NR2E1: variants seen among roughly 807,000 people sequenced by gnomAD.
NR2E1 encodes nuclear receptor subfamily 2 group E member 1.
In NR2E1, 5 loss-of-function variants were observed where a neutral mutation model predicts 43.6. That is an observed-to-expected ratio of 0.11 (90% CI 0.06 to 0.24). The LOEUF is 0.24. NR2E1 is among the 10% of genes least tolerant of loss of function. The pLI is 1.00. For missense variants in NR2E1, 287 were observed against 496.7 expected (o/e 0.58, Z 4.01); for synonymous variants, 191 against 195.5 (o/e 0.98, Z 0.19).
chr6:108,183,682 G>A (rs1231089251), intron 8 of NR2E1, among the ~76,000 whole-genome samples: 2 of 152,072 alleles, frequency 1.3e-5, no homozygotes, highest in Admixed American at 1.3e-4. Flanking sequence ...TATTTCTATC[G>A]TAAACCTCTT....
chr6:108,176,113 G>A (rs1308457321), intron 3 of NR2E1: 1 of 204,942 alleles, frequency 4.9e-6, no homozygotes, highest in Non-Finnish European at 9.9e-6. Flanking sequence ...TGGCGTGCGC[G>A]ACGCTCCCTC....
In NR2E1 at chr6:108,169,219, G is replaced by A. The variant is rs1773764156; in HGVS notation, c.26-2239G>A. 6.6e-6 allele frequency among the ~76,000 whole-genome samples: 1 copy of A among 152,114 alleles called. No individual in the cohort carries two copies. The highest frequency in any genetic ancestry group is 2.4e-5 in the African/African-American group (1 of 41,426). On this transcript the variant is annotated intron_variant, in intron 1 of 8. Coordinates refer to ENST00000368986, the MANE Select transcript of NR2E1 (RefSeq NM_003269.5). This position sits in a 1 kb window ranked among gnomAD's most constrained non-coding sequence, Gnocchi z 6.1. Reference sequence around the variant, plus strand: ...TCCCTCCTGGGCCCCGCCCCAGCCCGGTTGCCTGTTTCTAATCTGCCCCGG... The same window carrying A: ...TCCCTCCTGGGCCCCGCCCCAGCCCAGTTGCCTGTTTCTAATCTGCCCCGG...
At position 108,188,017 on chromosome 6, in the gene NR2E1, T is replaced by C. The variant is rs576318433; in HGVS notation, c.*554T>C. On this transcript the variant is annotated 3_prime_UTR_variant, in exon 9 of 9. Coordinates refer to ENST00000368986, the MANE Select transcript of NR2E1 (RefSeq NM_003269.5). ...CAGAACTGAGTTAATAAGTGAAAAGTAGCTTATGCCATGTGATTTGCTTTT... is the reference window on the plus strand; with the variant it reads ...CAGAACTGAGTTAATAAGTGAAAAGCAGCTTATGCCATGTGATTTGCTTTT... 1.1e-4 allele frequency: 17 copies of C among 155,114 alleles called. No homozygotes were observed. Among genetic ancestry groups the C allele is most frequent in the African/African-American group, 3.1e-4 (13 of 41,590 alleles). 9.6% of individuals were successfully genotyped at this position (155,114 alleles called of 1,614,324 possible).
chr6:108,179,492 C>CTCTGTGTG (rs1554258516), intron 5 of NR2E1, among the ~76,000 whole-genome samples: 1 of 131,348 alleles, frequency 7.6e-6, no homozygotes, highest in African/African-American at 2.9e-5. Flanking sequence ...TAACCACTTC[C>CTCTGTGTG]TGTGTGTGTG....
rs780236537 is a variant in NR2E1, at chr6:108,181,558, G to A, written c.902G>A (p.Ser301Asn). 2 of 1,613,658 alleles carry A rather than the reference G, an allele frequency of 1.2e-6. No individual in the cohort carries two copies. Among genetic ancestry groups the A allele is most frequent in the South Asian group, 1.1e-5 (1 of 91,080 alleles). ...IVTFKAVPTH[S>N]GSELRSFRNA... ...TCTTCATTTCTAGTTCCTACACATA[G>A]TGGTTCTGAACTGAGAAGTTTCCGG... The change falls in exon 8 of 9, where the codon AGT (serine) becomes AAT (asparagine). Residue 301 changes from serine (S) to asparagine (N), a missense_variant. Physicochemically the swap from Ser to Asn is conservative, Grantham distance 46. Coordinates refer to ENST00000368986, the MANE Select transcript of NR2E1 (RefSeq NM_003269.5).
Position 108,181,025 on chromosome 6 carries a change from G to A in NR2E1, c.889+69G>A, listed in dbSNP as rs541922263. 110 of 1,535,490 alleles carry A rather than the reference G, an allele frequency of 7.2e-5. No homozygotes were observed. The East Asian group carries it at 1.8e-3, about 26-fold the overall frequency. On this transcript the variant is annotated intron_variant, in intron 7 of 8. Transcript: ENST00000368986. ...GCCACCTCACTAATTCAGCCACCTC[G>A]AAGTCTGAACTGACCTTTGCAAAAA... is the stretch of plus-strand genomic sequence containing the variant.
At chr6:108,186,728 A>G (rs1774082210) in intron 8 of NR2E1, among the ~76,000 whole-genome samples, 1 of 152,230 alleles carries the variant, frequency 6.6e-6, no homozygotes, top group South Asian at 2.1e-4. Context: ...ATTACATGCC[A>G]ATTTCATTGA....
chr6:108,181,690 T>C (rs1386744877), intron 8 of NR2E1, 39 bp downstream of exon 8: 1 of 1,516,072 alleles, frequency 6.6e-7, no homozygotes, highest in African/African-American at 1.4e-5. Flanking sequence ...TTAAGAAAAT[T>C]GCCTCCATTG....
chr6:108,166,409 C>T lies in NR2E1; in HGVS notation c.-357C>T, dbSNP rs557807080. On this transcript the variant is annotated 5_prime_UTR_variant, in exon 1 of 9. Coordinates refer to ENST00000368986, the MANE Select transcript of NR2E1 (RefSeq NM_003269.5). The surrounding 1 kb of genome is among the most constrained non-coding windows in gnomAD (Gnocchi z 7.2). ...TTTCGCTCCGTAGGAAGGCCATTTT[C>T]GTGTCTCCATCTCTGTCTTTCAACA... The T allele has an allele frequency of 2.3e-5, 6 of 264,996 alleles. No individual in the cohort carries two copies. In the East Asian group the frequency reaches 5.0e-4, roughly 22 times the overall value. 16.4% of individuals were successfully genotyped at this position (264,996 alleles called of 1,614,324 possible).
intron 3 of NR2E1, chr6:108,176,229 A>G: frequency 1.8e-6 from 1 of 548,956 alleles, no homozygotes; most frequent in Non-Finnish European, 3.3e-6. Flanking sequence ...CCGAAGGAGA[A>G]CACACCTGGT....
chr6:108,174,613 T>C (rs1773866164), intron 2 of NR2E1, among the ~76,000 whole-genome samples: 1 of 152,002 alleles, frequency 6.6e-6, no homozygotes, highest in Non-Finnish European at 1.5e-5. Context: ...TTTCTTGGGG[T>C]CCGGGACTGG....
At chr6:108,178,941 G>C (rs1022624435) in intron 5 of NR2E1, 3 of 152,462 alleles carry the variant, frequency 2.0e-5, no homozygotes, top group Non-Finnish European at 4.4e-5. Flanking sequence ...TATTAGAAAT[G>C]CTAACATTTT....
At chr6:108,171,175 T>C (rs184881795) in intron 1 of NR2E1, among the ~76,000 whole-genome samples, 518 of 152,332 alleles carry the variant, frequency 3.4e-3, no homozygotes, top group Non-Finnish European at 5.4e-3. Context: ...CCGGGCCTGC[T>C]GTCATCTTTT....
At chr6:108,187,206 C>T (rs1237032230) in intron 8 of NR2E1, 95 bp from the exon 9 acceptor site, 1 of 1,390,116 alleles carries the variant, frequency 7.2e-7, no homozygotes, top group African/African-American at 1.4e-5. Context: ...AGACCTAGAT[C>T]AGCAATGCTG....
At position 108,174,871 on chromosome 6, in the gene NR2E1, G is replaced by A. The variant is rs775121734; in HGVS notation, c.207G>A (p.Gln69=). The change falls in exon 3 of 9, where the codon CAG becomes CAA. Residue 69 remains glutamine, a synonymous_variant. Coordinates refer to ENST00000368986, the MANE Select transcript of NR2E1 (RefSeq NM_003269.5). ...GCPVDKTHRN[Q]CRACRLKKCL... is the part of the protein sequence containing the mutation. The stretch of plus-strand genomic sequence containing the variant: ...CGGTGGACAAGACGCACAGAAACCA[G>A]TGCAGGGCGTGTCGGCTGAAGAAGT... 2 of 1,614,188 alleles carry A rather than the reference G, an allele frequency of 1.2e-6. No homozygotes were observed. The highest frequency in any genetic ancestry group is 2.2e-5 in the East Asian group (1 of 44,866).
chr6:108,180,940 C>T lies in NR2E1; in HGVS notation c.873C>T (p.Ile291=), dbSNP rs368041869. The change falls in exon 7 of 9, where the codon ATC becomes ATT. Residue 291 remains isoleucine, a synonymous_variant. Transcript: ENST00000368986. The surrounding 1 kb of genome is among the most constrained non-coding windows in gnomAD (Gnocchi z 5.4). ...CTGAATTTGCCTGTCTAAAATGCAT[C>T]GTCACTTTCAAAGCCGGTAAGCAGA... is the stretch of plus-strand genomic sequence containing the variant. ...DATEFACLKC[I]VTFKAVPTHS... is the part of the protein sequence containing the mutation. 91 of 1,614,172 alleles carry T rather than the reference C, an allele frequency of 5.6e-5. No homozygotes were observed. Among genetic ancestry groups the T allele is most frequent in the East Asian group, 1.8e-4 (8 of 44,878 alleles).
At chr6:108,178,050 T>TGGAA in intron 4 of NR2E1, 45 bp from the exon 5 acceptor site, 1 of 1,607,878 alleles carries the variant, frequency 6.2e-7, no homozygotes, top group African/African-American at 1.3e-5. Flanking sequence ...CTTGCAAAGC[T>TGGAA]GTGGTTTCCT....
chr6:108,170,463 CAAATATT>C (rs1231567490), intron 1 of NR2E1, among the ~76,000 whole-genome samples: 1 of 151,666 alleles, frequency 6.6e-6, no homozygotes, highest in African/African-American at 2.4e-5. Context: ...TCTAAACGGC[CAAATATT>C]ACCCTCTCCC....
intron 3 of NR2E1, among the ~76,000 whole-genome samples, chr6:108,175,781 C>T (rs1171656914): frequency 6.6e-6 from 1 of 152,254 alleles, no homozygotes; most frequent in Non-Finnish European, 1.5e-5. Flanking sequence ...GCCCCTTCCT[C>T]TGCGGCGCAG....
Sources: allele counts gnomAD v4.1 joint callset (sites outside exome capture counted in the v4.1 genomes callset), GRCh38; gene constraint gnomAD v4.1.1; non-coding constraint Gnocchi (gnomAD v3.1); transcripts MANE v1.5; gene names NCBI Gene and HGNC (gene_info 2026-07-23, HGNC 2026-07-21).